Variants in RBFOX1 observed in about 807,000 individuals in gnomAD.
RBFOX1 encodes RNA binding fox-1 homolog 1, also known as RNA binding protein fox-1 homolog 1.
A neutral mutation model predicts 57.7 loss-of-function variants in RBFOX1; 8 were observed. That is an observed-to-expected ratio of 0.14 (90% CI 0.08 to 0.25). The LOEUF (loss-of-function observed/expected upper bound fraction) is 0.25. Among genes scored for constraint, RBFOX1 ranks in the 10% least tolerant of loss-of-function variants. The pLI is 1.00. For missense variants in RBFOX1, 611 were observed against 548.5 expected, an observed-to-expected ratio of 1.11 and a Z score of -1.14; for synonymous variants, 326 against 222.4, an observed-to-expected ratio of 1.47 and a Z score of -4.15.
intron 3 of RBFOX1, among the ~76,000 whole-genome samples, chr16:6,890,273 C>T (rs2065093115): frequency 6.6e-6 from 1 of 152,160 alleles, no homozygotes; most frequent in African/African-American, 2.4e-5. Context: ...AATCCTGGCA[C>T]TTTGGGAGGC....
chr16:5,961,101 T>C (rs1284436172), intron 4 of RBFOX1, among the ~76,000 whole-genome samples: 1 of 152,202 alleles, frequency 6.6e-6, no homozygotes, highest in Non-Finnish European at 1.5e-5. Flanking sequence ...TTTTCTAACC[T>C]CTCACAACCC....
intron 2 of RBFOX1, among the ~76,000 whole-genome samples, chr16:5,551,201 G>A (rs2045450622): frequency 6.6e-6 from 1 of 152,146 alleles, no homozygotes; most frequent in Non-Finnish European, 1.5e-5. Context: ...CTTACCCCGT[G>A]ACTTCCTCCA....
At chr16:6,064,870 C>T (rs2095739303) in intron 1 of RBFOX1, among the ~76,000 whole-genome samples, 2 of 152,028 alleles carry the variant, frequency 1.3e-5, no homozygotes. Context: ...GAATTGCACA[C>T]ACACACTAAC....
At chr16:6,072,924 G>A (rs1290647167) in intron 1 of RBFOX1, among the ~76,000 whole-genome samples, 2 of 152,074 alleles carry the variant, frequency 1.3e-5, no homozygotes, top group Admixed American at 1.3e-4. Context: ...TTATGCCCAA[G>A]CTCATCAAAT....
intron 2 of RBFOX1, among the ~76,000 whole-genome samples, chr16:6,375,107 G>T (rs1224043219): frequency 6.6e-6 from 1 of 152,144 alleles, no homozygotes; most frequent in African/African-American, 2.4e-5. Flanking sequence ...TGTGCACAGG[G>T]AGTATCAGAA....
At chr16:7,023,748 T>C (rs1227731802) in intron 3 of RBFOX1, among the ~76,000 whole-genome samples, 2 of 152,068 alleles carry the variant, frequency 1.3e-5, no homozygotes, top group African/African-American at 2.4e-5. Flanking sequence ...CACTTATCAA[T>C]CCCTGTGTTC....
intron 5 of RBFOX1, among the ~76,000 whole-genome samples, chr16:7,567,312 T>TCC: frequency 8.6e-6 from 1 of 115,802 alleles, no homozygotes; most frequent in Non-Finnish European, 1.8e-5. Flanking sequence ...CCTATATATA[T>TCC]ATATATATAT....
intron 4 of RBFOX1, among the ~76,000 whole-genome samples, chr16:7,083,552 T>A (rs1204348069): frequency 1.3e-5 from 2 of 151,954 alleles, no homozygotes; most frequent in East Asian, 3.9e-4. Flanking sequence ...ATCAAATGGG[T>A]TTCTTTGTTG....
rs57208986 is a variant in RBFOX1 at position 6,460,827 on chromosome 16, C to CAAAAAAAA, written c.-64+143777_-64+143784dup. On this transcript the variant is annotated intron_variant, in intron 2 of 15. Coordinates refer to ENST00000550418, the MANE Select transcript of RBFOX1 (RefSeq NM_018723.4). ...TTAATAGAAGCACTATTCAGAATAC[C>CAAAAAAAA]AAAAAAAAAAAAAAGTGGAATCAAC... Among the ~76,000 whole-genome samples the CAAAAAAAA allele has an allele frequency of 9.1e-4, 128 of 141,328 alleles. 2 individuals carry two copies. The highest frequency in any genetic ancestry group is 3.2e-3 in the African/African-American group (121 of 37,994). 92.7% of individuals were successfully genotyped at this position (141,328 alleles called of 152,430 possible).
intron 9 of RBFOX1, among the ~76,000 whole-genome samples, chr16:7,600,791 A>G (rs1305177317): frequency 6.6e-6 from 1 of 152,220 alleles, no homozygotes; most frequent in Non-Finnish European, 1.5e-5. Flanking sequence ...ATGTGATGAG[A>G]TACCTGTCCA....
At chr16:5,455,222 G>T (rs1009033506) in intron 1 of RBFOX1, among the ~76,000 whole-genome samples, 2 of 151,908 alleles carry the variant, frequency 1.3e-5, no homozygotes, top group Non-Finnish European at 1.5e-5. Context: ...TGGGGTTACT[G>T]ACCAGAGTGC....
At chr16:6,843,857 C>T (rs1439919704) in intron 3 of RBFOX1, among the ~76,000 whole-genome samples, 1 of 152,076 alleles carries the variant, frequency 6.6e-6, no homozygotes, top group Non-Finnish European at 1.5e-5. Context: ...CTGACTGTTC[C>T]CTCAATATCT....
chr16:5,308,253 G>T (rs896415294), intron 1 of RBFOX1, among the ~76,000 whole-genome samples: 1 of 152,038 alleles, frequency 6.6e-6, no homozygotes, highest in Non-Finnish European at 1.5e-5. Flanking sequence ...CTTGAACCTG[G>T]GAGGCAGAGG....
At chr16:6,956,677 C>A (rs1026161842) in intron 3 of RBFOX1, among the ~76,000 whole-genome samples, 3 of 152,198 alleles carry the variant, frequency 2.0e-5, no homozygotes, top group Non-Finnish European at 4.4e-5. Flanking sequence ...TTATCTATTG[C>A]ATCATATCAA....
intron 3 of RBFOX1, among the ~76,000 whole-genome samples, chr16:6,976,373 C>G (rs1156885823): frequency 6.6e-6 from 1 of 152,126 alleles, no homozygotes; most frequent in African/African-American, 2.4e-5. Context: ...TCCATGAATA[C>G]ATGAAGCAAA....
At chr16:5,907,504 C>T (rs1286072200) in intron 4 of RBFOX1, among the ~76,000 whole-genome samples, 2 of 152,042 alleles carry the variant, frequency 1.3e-5, no homozygotes, top group African/African-American at 4.8e-5. Context: ...AGGGCTTGGG[C>T]CTATGGAGAA....
chr16:7,579,290 C>G (rs1003818553), intron 5 of RBFOX1, among the ~76,000 whole-genome samples: 1 of 152,184 alleles, frequency 6.6e-6, no homozygotes, highest in African/African-American at 2.4e-5. Flanking sequence ...TTTATCTGCA[C>G]AATTACCTGA....
chr16:7,492,438 G>A (rs1045967964), intron 4 of RBFOX1, among the ~76,000 whole-genome samples: 1 of 151,982 alleles, frequency 6.6e-6, no homozygotes, highest in East Asian at 1.9e-4. Flanking sequence ...TAGAACTGTA[G>A]AAGCTTGGTG....
At chr16:5,780,967 C>T (rs1239969142) in intron 3 of RBFOX1, among the ~76,000 whole-genome samples, 1 of 152,336 alleles carries the variant, frequency 6.6e-6, no homozygotes, top group Non-Finnish European at 1.5e-5. Context: ...AAGCAGAACA[C>T]CCTTGCGGGG....
Sources: gnomAD v4.1 joint callset for allele counts (sites outside exome capture counted in the v4.1 genomes callset) on GRCh38, gnomAD v4.1.1 for gene constraint, MANE v1.5 for transcripts, NCBI Gene and HGNC (gene_info 2026-07-23, HGNC 2026-07-21) for gene names.